The following PPP3CA variants were observed in gnomAD, a reference collection of about 807,000 sequenced individuals.
PPP3CA encodes the protein CAM-PRP catalytic subunit.
In PPP3CA, 14 loss-of-function variants were observed where a neutral mutation model predicts 66.5. The ratio of observed to expected loss-of-function variants is 0.21; its 90% confidence interval spans 0.14 to 0.33. The LOEUF (loss-of-function observed/expected upper bound fraction) is 0.33. Ranked by LOEUF, PPP3CA falls within the 10% of genes least tolerant of loss-of-function variation. The probability of loss-of-function intolerance (pLI) is 1.00; values close to 1 mark genes in which losing one functional copy is unlikely to be tolerated. For missense variants in PPP3CA, 317 were observed against 639.5 expected (o/e 0.50, Z 5.44); for synonymous variants, 232 against 226.2 (o/e 1.03, Z -0.23).
intron 7 of PPP3CA, 37 bp downstream of exon 7, chr4:101,083,149 C>T (rs368034832): frequency 2.2e-6 from 3 of 1,369,116 alleles, no homozygotes; most frequent in East Asian, 5.4e-5. Context: ...GGAAAATGGA[C>T]AATGCATGGT....
intron 8 of PPP3CA, among the ~76,000 whole-genome samples, chr4:101,065,255 G>A (rs1728633554): frequency 6.6e-6 from 1 of 151,982 alleles, no homozygotes; most frequent in African/African-American, 2.4e-5. Flanking sequence ...TCTTTGCTAA[G>A]TGCTACCAGA....
intron 2 of PPP3CA, among the ~76,000 whole-genome samples, chr4:101,137,907 C>T (rs1005325039): frequency 6.7e-6 from 1 of 149,538 alleles, no homozygotes; most frequent in South Asian, 2.1e-4. Flanking sequence ...AAACCTTCCA[C>T]ACACATGCAC....
At position 101,310,480 on chromosome 4, in the gene PPP3CA, G is replaced by A. The variant is rs1728687973; in HGVS notation, c.58+36259C>T. Among the ~76,000 whole-genome samples, 5 of 152,224 alleles carry A rather than the reference G, an allele frequency of 3.3e-5. No individual in the cohort carries two copies. The South Asian group carries it at 1.0e-3, about 32-fold the overall frequency. On this transcript the variant is annotated intron_variant, in intron 1 of 13. Coordinates refer to ENST00000394854, the MANE Select transcript of PPP3CA (RefSeq NM_000944.5). ...GGATCACTTGAGGACAGAAGTTCAA[G>A]ACCAGTCTGGGAAACATAGTGAGAC...
intron 1 of PPP3CA, among the ~76,000 whole-genome samples, chr4:101,227,630 T>C (rs1007847644): frequency 2.6e-5 from 4 of 151,584 alleles, no homozygotes; most frequent in South Asian, 2.1e-4. Flanking sequence ...GATAAATTCA[T>C]GTTGCAGGGG....
chr4:101,116,607 G>A (rs1721845839), intron 2 of PPP3CA, among the ~76,000 whole-genome samples: 1 of 151,788 alleles, frequency 6.6e-6, no homozygotes, highest in African/African-American at 2.4e-5. Context: ...AGCCAGCTAT[G>A]TGTAGTTCAT....
At chr4:101,329,229 A>C (rs1019215661) in intron 1 of PPP3CA, among the ~76,000 whole-genome samples, 3 of 152,154 alleles carry the variant, frequency 2.0e-5, no homozygotes, top group African/African-American at 7.2e-5. Flanking sequence ...ATGCCAATAT[A>C]AGAAAAGTTT....
At chr4:101,237,342 T>A (rs147986028) in intron 1 of PPP3CA, among the ~76,000 whole-genome samples, 98 of 151,982 alleles carry the variant, frequency 6.4e-4, no homozygotes, top group African/African-American at 2.1e-3. Context: ...TAAATTAGAT[T>A]TATCCAGTAT....
At chr4:101,194,523 G>A (rs1724722496) in intron 2 of PPP3CA, among the ~76,000 whole-genome samples, 1 of 152,000 alleles carries the variant, frequency 6.6e-6, no homozygotes, top group African/African-American at 2.4e-5. Flanking sequence ...ACTCCATAAA[G>A]AGTAGATCCA....
At chr4:101,075,655 G>A (rs17030739) in intron 8 of PPP3CA, among the ~76,000 whole-genome samples, 34,686 of 151,940 alleles carry the variant, frequency 0.23, 5,865 homozygotes, top group African/African-American at 0.47. Context: ...GAGGTTCATT[G>A]CAATTTTTGG....
chr4:101,101,287 T>C (rs1456818671), intron 3 of PPP3CA, among the ~76,000 whole-genome samples: 1 of 152,176 alleles, frequency 6.6e-6, no homozygotes, highest in East Asian at 1.9e-4. Context: ...AATGAGTCTC[T>C]GCTACAGATC....
chr4:101,261,579 C>G (rs1380757237), intron 1 of PPP3CA, among the ~76,000 whole-genome samples: 2 of 151,702 alleles, frequency 1.3e-5, no homozygotes, highest in East Asian at 3.9e-4. Context: ...GCAAATCAGT[C>G]TGAAAAAAAA....
intron 1 of PPP3CA, among the ~76,000 whole-genome samples, chr4:101,200,615 C>T (rs1298361794): frequency 6.6e-6 from 1 of 151,956 alleles, no homozygotes; most frequent in African/African-American, 2.4e-5. Context: ...TTTTTCCCCC[C>T]TCAAACAAAA....
intron 1 of PPP3CA, among the ~76,000 whole-genome samples, chr4:101,306,583 C>T (rs1167877137): frequency 2.0e-5 from 3 of 152,048 alleles, no homozygotes; most frequent in Non-Finnish European, 2.9e-5. Flanking sequence ...CTTCACTTCT[C>T]GGAAGAATAA....
chr4:101,300,394 T>C (rs1449917803), intron 1 of PPP3CA, among the ~76,000 whole-genome samples: 33 of 152,180 alleles, frequency 2.2e-4, no homozygotes, highest in Non-Finnish European at 2.9e-5. Flanking sequence ...AAAGGACAAA[T>C]ATCACATCAA....
chr4:101,214,709 T>G (rs900341519), intron 1 of PPP3CA, among the ~76,000 whole-genome samples: 1 of 152,140 alleles, frequency 6.6e-6, no homozygotes, highest in Non-Finnish European at 1.5e-5. Flanking sequence ...GTCATTCATA[T>G]AGATTTAATG....
chr4:101,185,199 C>T (rs2850986), intron 2 of PPP3CA, among the ~76,000 whole-genome samples: 110,914 of 151,796 alleles, frequency 0.73, 41,009 homozygotes, highest in South Asian at 0.82. Context: ...ACAAGATTTG[C>T]GAGGTAATAA....
At chr4:101,066,306 A>C (rs1483947592) in intron 8 of PPP3CA, among the ~76,000 whole-genome samples, 1 of 152,154 alleles carries the variant, frequency 6.6e-6, no homozygotes, top group African/African-American at 2.4e-5. Context: ...AGACTACAAG[A>C]TGGAATCTGT....
intron 1 of PPP3CA, among the ~76,000 whole-genome samples, chr4:101,307,938 T>C (rs914268834): frequency 7.9e-5 from 12 of 152,230 alleles, no homozygotes; most frequent in Non-Finnish European, 1.8e-4. Context: ...ACGATTTGAA[T>C]CCTTATTGTA....
intron 1 of PPP3CA, among the ~76,000 whole-genome samples, chr4:101,333,103 CTT>C (rs66790132): frequency 0.029 from 2,559 of 88,356 alleles, 30 homozygotes; most frequent in South Asian, 0.05. Flanking sequence ...CATCTTCTTT[CTT>C]TTTTTTTTTT....
Sources: allele counts gnomAD v4.1 joint callset (sites outside exome capture counted in the v4.1 genomes callset), GRCh38; gene constraint gnomAD v4.1.1; transcripts MANE v1.5; gene names NCBI Gene and HGNC (gene_info 2026-07-23, HGNC 2026-07-21).